Variants in ZC3H18 observed in about 807,000 individuals in gnomAD.
ZC3H18 encodes zinc finger CCCH-type containing 18, also known as zinc finger CCCH domain-containing protein 18.
ZC3H18 carries 8 observed loss-of-function variants against 106.1 expected under a neutral mutation model. The observed-to-expected ratio is 0.08, with a 90% CI of 0.04 to 0.14. ZC3H18 has a LOEUF of 0.14. ZC3H18 is among the 10% of genes least tolerant of loss of function. The pLI, the probability that ZC3H18 is intolerant of heterozygous loss-of-function variation, is 1.00. For synonymous variants in ZC3H18, 635 were observed against 522.1 expected (o/e 1.22, Z -2.95); for missense variants, 1,318 against 1,278.4 (o/e 1.03, Z -0.47).
At chr16:88,579,793 G>A (rs1043624358) in intron 2 of ZC3H18, among the ~76,000 whole-genome samples, 6 of 152,158 alleles carry the variant, frequency 3.9e-5, no homozygotes, top group South Asian at 2.1e-4. Context: ...TTCTTCCACC[G>A]CACAGACTGC....
chr16:88,574,656 A>G (rs1221936564), intron 1 of ZC3H18, among the ~76,000 whole-genome samples: 2 of 136,118 alleles, frequency 1.5e-5, no homozygotes, highest in African/African-American at 2.8e-5. Context: ...GTGCCCTACC[A>G]CACCCAGCTA....
At chr16:88,583,824 A>G (rs1033778904) in intron 2 of ZC3H18, among the ~76,000 whole-genome samples, 6 of 151,952 alleles carry the variant, frequency 3.9e-5, no homozygotes, top group South Asian at 4.2e-4. Flanking sequence ...TTTTAGGCCA[A>G]TTTGTAGCTA....
chr16:88,598,438 G>T (rs556709358), intron 4 of ZC3H18, 112 bp downstream of exon 4: 1 of 1,503,420 alleles, frequency 6.7e-7, no homozygotes, highest in Non-Finnish European at 8.9e-7. Context: ...GCCCCCTTTC[G>T]GCTGCTTCTG....
rs1405980888 is a variant in ZC3H18, at chr16:88,583,740, C to G, written c.604-2860C>G. On this transcript the variant is annotated intron_variant, in intron 2 of 17. Coordinates refer to ENST00000301011, the MANE Select transcript of ZC3H18 (RefSeq NM_144604.4). Reference sequence around the variant, plus strand: ...ACTGAGGCCTGTGTGTCTCCTCACACTCACCCTCAGTGTCCACGTCAACTT... The same window carrying G: ...ACTGAGGCCTGTGTGTCTCCTCACAGTCACCCTCAGTGTCCACGTCAACTT... 2.6e-5 allele frequency among the ~76,000 whole-genome samples: 4 copies of G among 152,334 alleles called. No homozygotes were observed. The East Asian group carries it at 5.8e-4, about 22-fold the overall frequency.
intron 2 of ZC3H18, among the ~76,000 whole-genome samples, chr16:88,581,169 G>T (rs1259986291): frequency 1.3e-5 from 2 of 152,112 alleles, no homozygotes; most frequent in Admixed American, 1.3e-4. Flanking sequence ...AATTTTTGTT[G>T]CTTTTAATTT....
At chr16:88,593,504 G>A (rs1315424712) in intron 3 of ZC3H18, among the ~76,000 whole-genome samples, 5 of 152,184 alleles carry the variant, frequency 3.3e-5, no homozygotes, top group Non-Finnish European at 7.3e-5. Flanking sequence ...ATTTTCAGAC[G>A]CAGGTAACTG....
chr16:88,621,957 G>A (rs1905991341), intron 8 of ZC3H18, among the ~76,000 whole-genome samples: 1 of 152,186 alleles, frequency 6.6e-6, no homozygotes, highest in Non-Finnish European at 1.5e-5. Flanking sequence ...TTCTGGTTCA[G>A]GAGAAATCTG....
At chr16:88,596,011 C>T (rs531107310) in intron 3 of ZC3H18, among the ~76,000 whole-genome samples, 1 of 152,278 alleles carries the variant, frequency 6.6e-6, no homozygotes, top group South Asian at 2.1e-4. Context: ...GACGTGCAGA[C>T]CAACTGTGCT....
At chr16:88,591,931 G>A (rs898221171) in intron 3 of ZC3H18, among the ~76,000 whole-genome samples, 5 of 152,092 alleles carry the variant, frequency 3.3e-5, no homozygotes, top group African/African-American at 4.8e-5. Context: ...CGCTGGCAGC[G>A]GAGTTTCTGA....
At chr16:88,600,473 C>T (rs559808336) in intron 6 of ZC3H18, among the ~76,000 whole-genome samples, 58 of 152,242 alleles carry the variant, frequency 3.8e-4, no homozygotes, top group African/African-American at 1.2e-3. Flanking sequence ...AGTGCAGTTG[C>T]GCAATCTTGG....
At chr16:88,593,827 T>G (rs748631305) in intron 3 of ZC3H18, among the ~76,000 whole-genome samples, 1 of 152,244 alleles carries the variant, frequency 6.6e-6, no homozygotes, top group African/African-American at 2.4e-5. Flanking sequence ...ATTGGACTTT[T>G]GTGTGCTCAC....
intron 3 of ZC3H18, among the ~76,000 whole-genome samples, chr16:88,592,310 G>A (rs1915802740): frequency 6.6e-6 from 1 of 152,070 alleles, no homozygotes; most frequent in African/African-American, 2.4e-5. Context: ...TAGGTCATTT[G>A]TGTATCTTCT....
At chr16:88,615,980 G>A (rs1005823879) in intron 8 of ZC3H18, among the ~76,000 whole-genome samples, 2 of 152,320 alleles carry the variant, frequency 1.3e-5, no homozygotes, top group Non-Finnish European at 2.9e-5. Flanking sequence ...CCCGCGGAAT[G>A]GGAGGGCAGA....
At position 88,627,846 on chromosome 16, in the gene ZC3H18, G is replaced by C. The variant is rs1822702419; in HGVS notation, c.2269+64G>C. The stretch of plus-strand genomic sequence containing the variant: ...GGGGGAGGAGGGCGGCATCAGCACA[G>C]ACTTTGCCTGGCTGTTGGTGTGGCC... On this transcript the variant is annotated intron_variant, in intron 14 of 17. Transcript: ENST00000301011. The surrounding 1 kb of genome is among the most constrained non-coding windows in gnomAD (Gnocchi z 4.5). 1 of 1,612,436 alleles carries C rather than the reference G, an allele frequency of 6.2e-7. No homozygotes were observed. Among genetic ancestry groups the C allele is most frequent in the Non-Finnish European group, 8.5e-7 (1 of 1,179,192 alleles).
In ZC3H18 at chr16:88,577,413, G is replaced by C. The variant is rs1314717639; in HGVS notation, c.290G>C (p.Cys97Ser). 1.9e-6 allele frequency: 3 copies of C among 1,602,506 alleles called. No homozygotes were observed. The highest frequency in any genetic ancestry group is 1.7e-4 in the Middle Eastern group (1 of 5,988). Residue 97 changes from cysteine to serine, a missense_variant, in exon 2 of 18, where the codon TGC becomes TCC. Physicochemically the swap from Cys to Ser is moderately radical, Grantham distance 112. Transcript: ENST00000301011. ...AGCCGGGGCCCGACCAGCTCCCCCT[G>C]CGAGGAGGAGGGGGACGAAGGGGAG... is the stretch of plus-strand genomic sequence containing the variant. ...ELSRGPTSSP[C>S]EEEGDEGEED...
chr16:88,611,675 G>A (rs9673677), intron 8 of ZC3H18, 139 bp downstream of exon 8: 1 of 1,329,238 alleles, frequency 7.5e-7, no homozygotes, highest in African/African-American at 1.5e-5. Flanking sequence ...CACAGCCCGA[G>A]CCCATAGTTC....
rs776676145 is a variant in ZC3H18 at position 88,577,690 on chromosome 16, G to C, written c.567G>C (p.Glu189Asp). ...SLEAAKEKKK[E>D]DDDGEIDDGE... ...AGGCTGCCAAGGAGAAAAAGAAAGAGGACGATGATGGAGAAATCGATGATG... is the reference window on the plus strand; with the variant it reads ...AGGCTGCCAAGGAGAAAAAGAAAGACGACGATGATGGAGAAATCGATGATG... The change falls in exon 2 of 18, where the codon GAG becomes GAC. Residue 189 changes from glutamate (E) to aspartate (D), a missense_variant. Physicochemically the swap from Glu to Asp is conservative, Grantham distance 45 (BLOSUM62 2). This residue lies in a region of ZC3H18 where 346 missense variants were observed against 269.0 expected (regional missense o/e 1.29). Coordinates refer to ENST00000301011, the MANE Select transcript of ZC3H18 (RefSeq NM_144604.4). The C allele has an allele frequency of 6.2e-7, 1 of 1,613,794 alleles. No homozygotes were observed. The highest frequency in any genetic ancestry group is 2.2e-5 in the East Asian group (1 of 44,866).
rs750268256 is a variant in ZC3H18, at chr16:88,627,578, C to G, written c.2109-44C>G. On this transcript the variant is annotated intron_variant, in intron 13 of 17. Transcript: ENST00000301011. This position sits in a 1 kb window ranked among gnomAD's most constrained non-coding sequence, Gnocchi z 4.5. ...TGGAGCACCCCCTGCTGGCCCCTCC[C>G]TCCAGTCTGGCTGGGGTGTGGTGAG... 1.9e-6 allele frequency: 3 copies of G among 1,564,560 alleles called. No homozygotes were observed. Among genetic ancestry groups the G allele is most frequent in the South Asian group, 1.2e-5 (1 of 85,002 alleles).
intron 2 of ZC3H18, among the ~76,000 whole-genome samples, chr16:88,580,458 A>G (rs533215246): frequency 6.6e-6 from 1 of 152,160 alleles, no homozygotes; most frequent in Non-Finnish European, 1.5e-5. Flanking sequence ...GAGCAGCATC[A>G]GCCCTCCACC....
Sources: gnomAD v4.1 joint callset for allele counts (sites outside exome capture counted in the v4.1 genomes callset) on GRCh38, gnomAD v4.1.1 for gene constraint, gnomAD v4.1.1 regional missense constraint, Gnocchi (gnomAD v3.1) non-coding constraint, MANE v1.5 for transcripts, NCBI Gene and HGNC (gene_info 2026-07-23, HGNC 2026-07-21) for gene names.